SRPK2: variants seen among roughly 807,000 people sequenced by gnomAD.
SRPK2 encodes SRSF protein kinase 2, also known as SFRS protein kinase 2.
A neutral mutation model predicts 90.8 loss-of-function variants in SRPK2; 21 were observed. The ratio of observed to expected loss-of-function variants is 0.23; its 90% CI spans 0.16 to 0.33. SRPK2 has a LOEUF of 0.33. Among genes scored for constraint, SRPK2 ranks in the 10% least tolerant of loss-of-function variants. The pLI is 1.00. For missense variants in SRPK2, 620 were observed against 869.0 expected, an observed-to-expected ratio of 0.71 and a Z score of 3.60; for synonymous variants, 288 against 311.1, an observed-to-expected ratio of 0.93 and a Z score of 0.78.
chr7:105,351,075 A>G (rs747162515), intron 2 of SRPK2, among the ~76,000 whole-genome samples: 15 of 152,158 alleles, frequency 9.9e-5, no homozygotes, highest in Non-Finnish European at 7.4e-5. Flanking sequence ...TGACTGTGTC[A>G]TGACGGTTCT....
chr7:105,149,652 A>T (rs901213288), intron 7 of SRPK2, among the ~76,000 whole-genome samples: 9 of 152,160 alleles, frequency 5.9e-5, no homozygotes, highest in Non-Finnish European at 1.2e-4. Flanking sequence ...GTGGAGGGGC[A>T]GGCCACTCCT....
At chr7:105,373,909 A>C (rs1049902904) in intron 2 of SRPK2, among the ~76,000 whole-genome samples, 13 of 151,898 alleles carry the variant, frequency 8.6e-5, no homozygotes, top group African/African-American at 3.1e-4. Context: ...AGTCTCCCTC[A>C]TCTCCAAACA....
intron 2 of SRPK2, among the ~76,000 whole-genome samples, chr7:105,249,288 C>G (rs1027749099): frequency 2.6e-5 from 4 of 152,056 alleles, no homozygotes; most frequent in Admixed American, 2.6e-4. Flanking sequence ...AAGTCATACA[C>G]TTACTGGTTT....
chr7:105,341,320 T>C (rs1347999957), intron 2 of SRPK2, among the ~76,000 whole-genome samples: 1 of 132,696 alleles, frequency 7.5e-6, no homozygotes, highest in South Asian at 2.3e-4. Context: ...ATCGTGCCAC[T>C]GCACTCCAGC....
chr7:105,208,404 G>A (rs1181719154), intron 2 of SRPK2, among the ~76,000 whole-genome samples: 1 of 152,120 alleles, frequency 6.6e-6, no homozygotes, highest in Non-Finnish European at 1.5e-5. Context: ...TCCCCTAACT[G>A]ATAAATAAAA....
chr7:105,354,157 G>A (rs73716658), intron 2 of SRPK2, among the ~76,000 whole-genome samples: 6,600 of 152,260 alleles, frequency 0.043, 492 homozygotes, highest in African/African-American at 0.15. Flanking sequence ...TCAGAGATGG[G>A]TTTGGGGCTA....
At chr7:105,230,903 A>G (rs1403435006) in intron 2 of SRPK2, among the ~76,000 whole-genome samples, 2 of 152,328 alleles carry the variant, frequency 1.3e-5, no homozygotes, top group Admixed American at 1.3e-4. Context: ...TTAATACTAT[A>G]AATGCAATAT....
chr7:105,341,594 C>T (rs1192604228), intron 2 of SRPK2, among the ~76,000 whole-genome samples: 1 of 152,068 alleles, frequency 6.6e-6, no homozygotes, highest in Non-Finnish European at 1.5e-5. Context: ...AATCCTTAAG[C>T]TCAGGAGGCA....
chr7:105,141,806 G>A (rs1365093071), intron 11 of SRPK2, among the ~76,000 whole-genome samples: 2 of 152,136 alleles, frequency 1.3e-5, no homozygotes, highest in African/African-American at 4.8e-5. Context: ...ATAAGATTTG[G>A]TATGCAGAGA....
chr7:105,395,640 G>T (rs1586042389), intron 1 of SRPK2, among the ~76,000 whole-genome samples: 1 of 152,122 alleles, frequency 6.6e-6, no homozygotes, highest in Non-Finnish European at 1.5e-5. Context: ...TGAGGTGGGA[G>T]AATTGCTTGA....
At position 105,379,155 on chromosome 7, in the gene SRPK2, A is replaced by AT. The variant is rs1290093931; in HGVS notation, c.71+9492_71+9493insA. On this transcript the variant is annotated intron_variant, in intron 2 of 15. Transcript: ENST00000393651. The stretch of plus-strand genomic sequence containing the variant: ...AAAGCAAGACCCAGTCTCTAAAAAA[A>AT]AATATATATATATATATAAAGTCAG... 1.5e-3 allele frequency among the ~76,000 whole-genome samples: 227 copies of AT among 150,888 alleles called. 2 individuals are homozygous for AT. Among genetic ancestry groups the AT allele is most frequent in the South Asian group, 4.8e-3 (23 of 4,804 alleles).
chr7:105,234,363 G>A lies in SRPK2; in HGVS notation c.72-30578C>T, dbSNP rs1006216460. On this transcript the variant is annotated intron_variant, in intron 2 of 15. Transcript: ENST00000393651. Reference sequence around the variant, plus strand: ...TAAACTAATATTTCATCAATGGATTGCTATTGCTTTTCAATCTACCAAAAG... The same window carrying A: ...TAAACTAATATTTCATCAATGGATTACTATTGCTTTTCAATCTACCAAAAG... Among the ~76,000 whole-genome samples the A allele has an allele frequency of 3.9e-5, 6 of 152,246 alleles. No individual in the cohort carries two copies. The East Asian group carries it at 1.2e-3, about 29-fold the overall frequency.
In SRPK2 at chr7:105,117,123, T is replaced by C. The variant is rs1275314814; in HGVS notation, c.*715A>G. 1.3e-5 allele frequency: 2 copies of C among 152,242 alleles called. No individual in the cohort carries two copies. Among genetic ancestry groups the C allele is most frequent in the African/African-American group, 2.4e-5 (1 of 41,458 alleles). 9.4% of individuals were successfully genotyped at this position (152,242 alleles called of 1,614,324 possible). A position where few individuals can be genotyped will look rare whatever the true frequency, so the allele number is the denominator to read the frequency against. ...AATGCATATTTTAGAATGAGAAACA[T>C]ATCTTTTCTTCCTTTAAAGTGCCAT... On this transcript the variant is annotated 3_prime_UTR_variant, in exon 16 of 16. Transcript: ENST00000393651.
rs541656885 is a variant in SRPK2 at position 105,349,023 on chromosome 7, G to C, written c.71+39625C>G. On this transcript the variant is annotated intron_variant, in intron 2 of 15. Coordinates refer to ENST00000393651, the MANE Select transcript of SRPK2 (RefSeq NM_182692.3). ...TAGCCGGGCGTGGTGGCGCTTTCCTGTAATCCTAGCTACTTGGAAGGCAGA... is the reference window on the plus strand; with the variant it reads ...TAGCCGGGCGTGGTGGCGCTTTCCTCTAATCCTAGCTACTTGGAAGGCAGA... 2.6e-5 allele frequency among the ~76,000 whole-genome samples: 4 copies of C among 151,668 alleles called. No homozygotes were observed. In the East Asian group the frequency reaches 8.0e-4, roughly 30 times the overall value.
chr7:105,364,118 G>A (rs1036298845), intron 2 of SRPK2, among the ~76,000 whole-genome samples: 5 of 152,038 alleles, frequency 3.3e-5, no homozygotes, highest in Non-Finnish European at 7.4e-5. Flanking sequence ...AACCAACATG[G>A]CACATGTATA....
intron 2 of SRPK2, chr7:105,206,037 T>A (rs1238764065): frequency 5.8e-6 from 3 of 518,064 alleles, no homozygotes; most frequent in African/African-American, 5.8e-5. Flanking sequence ...CTTAGCACAA[T>A]GGATTCTTGG....
At chr7:105,391,007 C>G (rs1326367530), upstream of SRPK2, among the ~76,000 whole-genome samples, 2 of 152,090 alleles carry the variant, frequency 1.3e-5, no homozygotes, top group Admixed American at 1.3e-4. Context: ...CCTTTTCCCT[C>G]TGTATTTAAG....
chr7:105,376,988 T>G (rs1820388596), intron 2 of SRPK2, among the ~76,000 whole-genome samples: 1 of 151,956 alleles, frequency 6.6e-6, no homozygotes, highest in South Asian at 2.1e-4. Flanking sequence ...CCTATTCACT[T>G]TTACAGCTGC....
At chr7:105,386,975 C>T (rs893065844) in intron 2 of SRPK2, among the ~76,000 whole-genome samples, 2 of 152,126 alleles carry the variant, frequency 1.3e-5, no homozygotes, top group Non-Finnish European at 2.9e-5. Context: ...CATCAACATA[C>T]CACATAAATC....
Sources: allele counts gnomAD v4.1 joint callset (sites outside exome capture counted in the v4.1 genomes callset), GRCh38; gene constraint gnomAD v4.1.1; transcripts MANE v1.5; gene names NCBI Gene and HGNC (gene_info 2026-07-23, HGNC 2026-07-21).